Variants in RCAN2 observed in about 807,000 individuals in gnomAD.
RCAN2 encodes calcipressin-2.
In RCAN2, 9 loss-of-function variants were observed where a neutral mutation model predicts 23.6. The ratio of observed to expected loss-of-function variants is 0.38; its 90% confidence interval spans 0.23 to 0.67. The LOEUF (loss-of-function observed/expected upper bound fraction) is 0.67. RCAN2 is among the 30% of genes least tolerant of loss of function. The pLI is 0.51. For missense variants in RCAN2, 273 were observed against 302.3 expected, an observed-to-expected ratio of 0.90 and a Z score of 0.72; for synonymous variants, 109 against 115.7, an observed-to-expected ratio of 0.94 and a Z score of 0.37.
chr6:46,342,822 G>A (rs1447834633), intron 2 of RCAN2, among the ~76,000 whole-genome samples: 2 of 151,906 alleles, frequency 1.3e-5, no homozygotes, highest in African/African-American at 2.4e-5. Flanking sequence ...CTAGAATAAT[G>A]GATCAGAATC....
intron 4 of RCAN2, among the ~76,000 whole-genome samples, chr6:46,229,025 A>G (rs947914887): frequency 2.6e-5 from 4 of 152,116 alleles, no homozygotes; most frequent in Admixed American, 6.5e-5. Context: ...TCCTTCACTT[A>G]TGAAGCTTAG....
At chr6:46,365,658 C>T (rs900054983) in intron 2 of RCAN2, among the ~76,000 whole-genome samples, 1 of 152,134 alleles carries the variant, frequency 6.6e-6, no homozygotes, top group Non-Finnish European at 1.5e-5. Flanking sequence ...TGATCTATTT[C>T]CTTATCTAAG....
At position 46,248,946 on chromosome 6, in the gene RCAN2, C is replaced by T. The variant is rs544295398; in HGVS notation, c.226-50G>A. The T allele has an allele frequency of 5.6e-5, 75 of 1,329,870 alleles. No homozygotes were observed. The East Asian group carries it at 1.2e-3, about 22-fold the overall frequency. 82.4% of individuals were successfully genotyped at this position (1,329,870 alleles called of 1,614,324 possible). A position where few individuals can be genotyped will look rare whatever the true frequency, so the allele number is the denominator to read the frequency against. ...AATCCATTGGCCATGGCATGGATCTCGTATGATGTCATATCTGATAAAAAC... is the reference window on the plus strand; with the variant it reads ...AATCCATTGGCCATGGCATGGATCTTGTATGATGTCATATCTGATAAAAAC... On this transcript the variant is annotated intron_variant, in intron 2 of 4. Transcript: ENST00000371374.
intron 2 of RCAN2, among the ~76,000 whole-genome samples, chr6:46,292,203 G>A (rs1018548976): frequency 2.0e-5 from 3 of 152,062 alleles, no homozygotes; most frequent in African/African-American, 7.2e-5. Flanking sequence ...TAGAGGGAAG[G>A]GTGTGACAAT....
intron 2 of RCAN2, among the ~76,000 whole-genome samples, chr6:46,319,865 A>G (rs948890908): frequency 1.1e-4 from 17 of 152,294 alleles, no homozygotes; most frequent in African/African-American, 3.8e-4. Flanking sequence ...TCTGTTATAC[A>G]CATGCCATCT....
At chr6:46,334,514 G>A (rs748802362) in intron 2 of RCAN2, among the ~76,000 whole-genome samples, 25 of 152,226 alleles carry the variant, frequency 1.6e-4, no homozygotes, top group Admixed American at 3.3e-4. Context: ...TGAGAAGGGA[G>A]GCTGAGGTAA....
intron 2 of RCAN2, among the ~76,000 whole-genome samples, chr6:46,326,130 T>C (rs1763788483): frequency 6.6e-6 from 1 of 152,184 alleles, no homozygotes; most frequent in Non-Finnish European, 1.5e-5. Context: ...AAATCCGTTC[T>C]TGGAGTGACT....
intron 2 of RCAN2, among the ~76,000 whole-genome samples, chr6:46,360,532 T>A (rs1229470900): frequency 5.3e-5 from 1 of 18,968 alleles, no homozygotes; most frequent in African/African-American, 1.2e-4. Flanking sequence ...AGACTCCGTC[T>A]CAAAAAAAAA....
intron 2 of RCAN2, among the ~76,000 whole-genome samples, chr6:46,380,035 G>T (rs1445043942): frequency 2.0e-5 from 3 of 152,130 alleles, no homozygotes; most frequent in African/African-American, 7.2e-5. Context: ...AAATGGTGAG[G>T]TTTTTTGCAG....
intron 2 of RCAN2, among the ~76,000 whole-genome samples, chr6:46,410,490 C>T (rs1021373444): frequency 1.3e-5 from 2 of 152,052 alleles, no homozygotes; most frequent in Non-Finnish European, 2.9e-5. Context: ...AAATTCAGAG[C>T]AGGAAACAAC....
At chr6:46,298,489 G>A (rs987696793) in intron 2 of RCAN2, among the ~76,000 whole-genome samples, 5 of 152,032 alleles carry the variant, frequency 3.3e-5, no homozygotes, top group Admixed American at 3.3e-4. Context: ...CTTACAATGC[G>A]ATGTTACCAG....
intron 2 of RCAN2, among the ~76,000 whole-genome samples, chr6:46,425,865 G>T (rs942360905): frequency 3.4e-5 from 5 of 145,126 alleles, no homozygotes; most frequent in East Asian, 2.0e-4. Flanking sequence ...CTGGAAGTTT[G>T]TTCAGATAGA....
At chr6:46,435,313 T>C (rs1246657290) in intron 2 of RCAN2, among the ~76,000 whole-genome samples, 1 of 152,250 alleles carries the variant, frequency 6.6e-6, no homozygotes, top group African/African-American at 2.4e-5. Flanking sequence ...ATGATGTTTC[T>C]CTTCCAGAGA....
At chr6:46,350,650 G>T (rs1035812437) in intron 2 of RCAN2, among the ~76,000 whole-genome samples, 1 of 152,212 alleles carries the variant, frequency 6.6e-6, no homozygotes, top group Non-Finnish European at 1.5e-5. Flanking sequence ...CCACTGCAAA[G>T]GATATACAGG....
chr6:46,401,121 A>G (rs1244335981), intron 2 of RCAN2, among the ~76,000 whole-genome samples: 2 of 152,188 alleles, frequency 1.3e-5, no homozygotes, highest in African/African-American at 2.4e-5. Context: ...CCAGATGAGG[A>G]GCCCAATGTC....
intron 1 of RCAN2, among the ~76,000 whole-genome samples, chr6:46,475,321 C>A (rs989621020): frequency 1.3e-5 from 2 of 152,120 alleles, no homozygotes; most frequent in African/African-American, 4.8e-5. Flanking sequence ...GCTCTCTAGG[C>A]TAATTTATTG....
chr6:46,458,153 A>G (rs575153468), intron 1 of RCAN2, among the ~76,000 whole-genome samples: 13 of 152,304 alleles, frequency 8.5e-5, no homozygotes, highest in Middle Eastern at 3.4e-3. Context: ...TCCCATCATC[A>G]CAGATGCTCA....
At chr6:46,292,470 T>C (rs1054685791) in intron 2 of RCAN2, among the ~76,000 whole-genome samples, 1 of 144,480 alleles carries the variant, frequency 6.9e-6, no homozygotes, top group African/African-American at 2.5e-5. Context: ...TTGCCCTAAA[T>C]TGCACAGCAA....
intron 2 of RCAN2, among the ~76,000 whole-genome samples, chr6:46,276,297 T>C (rs141925223): frequency 6.6e-6 from 1 of 152,288 alleles, no homozygotes; most frequent in African/African-American, 2.4e-5. Flanking sequence ...AGAGGTTTCC[T>C]CGGAATATCT....
Sources: gnomAD v4.1 joint callset for allele counts (sites outside exome capture counted in the v4.1 genomes callset) on GRCh38, gnomAD v4.1.1 for gene constraint, MANE v1.5 for transcripts, NCBI Gene and HGNC (gene_info 2026-07-23, HGNC 2026-07-21) for gene names.